TUBGCP6: variants seen among roughly 807,000 people sequenced by gnomAD.
The protein encoded by TUBGCP6 is tubulin gamma complex component 6.
A neutral mutation model predicts 175.8 loss-of-function variants in TUBGCP6; 161 were observed. That is an observed-to-expected ratio of 0.92 (90% confidence interval 0.81 to 1.04). The LOEUF (loss-of-function observed/expected upper bound fraction) is 1.04. Ranked by LOEUF, TUBGCP6 falls within the 50% of genes least tolerant of loss-of-function variation. The pLI, the probability that TUBGCP6 is intolerant of heterozygous loss-of-function variation, is 0.00. For missense variants in TUBGCP6, 2,572 were observed against 2,433.0 expected, an observed-to-expected ratio of 1.06 and a Z score of -1.20; for synonymous variants, 1,173 against 1,030.5, an observed-to-expected ratio of 1.14 and a Z score of -2.65.
Position 50,227,945 on chromosome 22 carries a change from G to A in TUBGCP6, c.1374C>T (p.Thr458=), listed in dbSNP as rs1394093391. The stretch of plus-strand genomic sequence containing the variant: ...CAAGTTTCTTGAAGAGAAAACCAAT[G>A]GTGAGGAGGCTCAGGGTGGGCGGAG... ...LSTPPTLSLL[T]IGFLFKKLGR... is the part of the protein sequence containing the mutation. Residue 458 remains threonine (T), a synonymous_variant, in exon 5 of 25, where the codon ACC becomes ACT. Coordinates refer to ENST00000248846, the MANE Select transcript of TUBGCP6 (RefSeq NM_020461.4). The A allele has an allele frequency of 4.4e-6, 7 of 1,574,114 alleles. No individual in the cohort carries two copies. Among genetic ancestry groups the A allele is most frequent in the African/African-American group, 2.7e-5 (2 of 74,356 alleles).
rs377564548 is a variant in TUBGCP6, at chr22:50,220,647, G to A, written c.3712C>T (p.Arg1238Trp). The A allele has an allele frequency of 6.8e-5, 109 of 1,610,268 alleles. No homozygotes were observed. Among genetic ancestry groups the A allele is most frequent in the Admixed American group, 1.2e-4 (7 of 57,862 alleles). The change falls in exon 16 of 25, where the codon CGG becomes TGG. Residue 1238 changes from arginine to tryptophan, a missense_variant. By Grantham distance (101) the Arg-to-Trp change is moderately radical. Coordinates refer to ENST00000248846, the MANE Select transcript of TUBGCP6 (RefSeq NM_020461.4). ...GACACGTGTCCATGGGTGTTGCACCGTGACCGGATGGGAGCCACGTCCGAT... is the reference window on the plus strand; with the variant it reads ...GACACGTGTCCATGGGTGTTGCACCATGACCGGATGGGAGCCACGTCCGAT... ...NVSDVAPIRS[R>W]CNTHGHVSDA... is the part of the protein sequence containing the mutation.
At chr22:50,222,157 C>A in intron 14 of TUBGCP6, 55 bp from the exon 15 acceptor site, 1 of 1,565,386 alleles carries the variant, frequency 6.4e-7, no homozygotes, top group South Asian at 1.1e-5. Context: ...CACAGCCCTA[C>A]CCCACACAAA....
intron 2 of TUBGCP6, among the ~76,000 whole-genome samples, chr22:50,238,290 A>G (rs1601605421): frequency 6.6e-6 from 1 of 151,052 alleles, no homozygotes; most frequent in Non-Finnish European, 1.5e-5. Flanking sequence ...CTGAGTTTTT[A>G]CAAAAATTAG....
Position 50,240,289 on chromosome 22 carries a change from G to A in TUBGCP6, c.820C>T (p.Pro274Ser). The A allele has an allele frequency of 6.2e-7, 1 of 1,614,028 alleles. No homozygotes were observed. ...AGGTCCACGTCTGGGGTCACGCTGG[G>A]CTCAGACTGGGAATCAGGAGTCAAG... ...SNLTPDSQSE[P>S]SVTPDVDLWE... Residue 274 changes from proline to serine, a missense_variant, in exon 2 of 25, where the codon CCC becomes TCC. Physicochemically the swap from Pro to Ser is moderately conservative, Grantham distance 74 (BLOSUM62 -1). Coordinates refer to ENST00000248846, the MANE Select transcript of TUBGCP6 (RefSeq NM_020461.4).
rs896132951 is a variant in TUBGCP6 at position 50,220,369 on chromosome 22, G to A, written c.3990C>T (p.Ser1330=). ...CCTCCCCGCAGCCCGAGCTGGGGGA[G>A]GACAGAGATGGCCCCACTTCTACAG... is the stretch of plus-strand genomic sequence containing the variant. ...RLPVEVGPSL[S]SPSSGCGEGS... Residue 1330 remains serine (S), a synonymous_variant, in exon 16 of 25, where the codon TCC becomes TCT. Coordinates refer to ENST00000248846, the MANE Select transcript of TUBGCP6 (RefSeq NM_020461.4). 6.4e-6 allele frequency: 10 copies of A among 1,559,622 alleles called. No individual in the cohort carries two copies. Among genetic ancestry groups the A allele is most frequent in the Non-Finnish European group, 8.7e-6 (10 of 1,148,900 alleles).
chr22:50,222,954 C>A, intron 13 of TUBGCP6: 1 of 212,310 alleles, frequency 4.7e-6, no homozygotes, highest in East Asian at 1.0e-4. Context: ...AGGTACAAAC[C>A]TGAGAACTGA....
chr22:50,226,570 T>G (rs1302675184), intron 7 of TUBGCP6, among the ~76,000 whole-genome samples, 163 bp downstream of exon 7: 4 of 4,376 alleles, frequency 9.1e-4, no homozygotes, highest in South Asian at 4.7e-3. Flanking sequence ...GGGTGTGGAG[T>G]GGGGGCAGGG....
At chr22:50,242,808 T>C (rs1205867962) in intron 1 of TUBGCP6, among the ~76,000 whole-genome samples, 1 of 150,888 alleles carries the variant, frequency 6.6e-6, no homozygotes, top group East Asian at 1.9e-4. Context: ...TATTTTGTTT[T>C]AATTAACTTC....
chr22:50,231,839 C>G (rs1257072345), intron 3 of TUBGCP6, among the ~76,000 whole-genome samples: 4 of 130,618 alleles, frequency 3.1e-5, no homozygotes, highest in South Asian at 5.1e-4. Context: ...CAGCCTGGGC[C>G]ACAGAGCGAG....
chr22:50,224,511 C>T lies in TUBGCP6; in HGVS notation c.2065G>A (p.Asp689Asn), dbSNP rs2064576564. Residue 689 changes from aspartate to asparagine, a missense_variant and splice_region_variant, in exon 11 of 25, where the codon GAC (aspartate) becomes AAC (asparagine). Asp to Asn is a conservative substitution (Grantham distance 23). Transcript: ENST00000248846. ...AASRVLSALS[D>N]RQMSERMALD... ...GAAGGGAGGACTTGGGGCCACTCAC[C>T]ACTCAGTGCACTCAGGACCCTGGAT... is the stretch of plus-strand genomic sequence containing the variant. 1 of 1,614,034 alleles carries T rather than the reference C, an allele frequency of 6.2e-7. No individual in the cohort carries two copies. The highest frequency in any genetic ancestry group is 1.1e-5 in the South Asian group (1 of 91,086).
chr22:50,222,170 C>T, intron 14 of TUBGCP6, 68 bp from the exon 15 acceptor site: 1 of 1,520,412 alleles, frequency 6.6e-7, no homozygotes, highest in Non-Finnish European at 9.0e-7. Flanking sequence ...CACACAAAGC[C>T]ACAGCCCCTA....
At position 50,244,233 on chromosome 22, in the gene TUBGCP6, T is replaced by G. The variant is rs1260270661; in HGVS notation, c.227A>C (p.Asp76Ala). Residue 76 changes from aspartate to alanine, a missense_variant, in exon 1 of 25, where the codon GAC becomes GCC. Transcript: ENST00000248846. Reference protein sequence around the residue: ...ARNKILMLSFDLRVGGLGPKA... With the variant: ...ARNKILMLSFALRVGGLGPKA... ...GGGGCCCAGGCCACCCACTCTCAAG[T>G]CAAAGGACAACATGAGGATCTTGTT... 2 of 1,613,390 alleles carry G rather than the reference T, an allele frequency of 1.2e-6. No individual in the cohort carries two copies. The highest frequency in any genetic ancestry group is 2.2e-5 in the South Asian group (2 of 91,086).
Position 50,226,734 on chromosome 22 carries a change from G to T in TUBGCP6, c.1600C>A (p.Arg534=). The change falls in exon 7 of 25, where the codon CGG becomes AGG. Residue 534 remains arginine, a splice_region_variant and synonymous_variant. Coordinates refer to ENST00000248846, the MANE Select transcript of TUBGCP6 (RefSeq NM_020461.4). The stretch of plus-strand genomic sequence containing the variant: ...GCGCCTGCCCAGCCCACTGCCCACC[G>T]GGTGTAGGGCTCGCAGCTGGTCTTC... The part of the protein sequence containing the change: ...LLKTSCEPYT[R]FIHDWVYSGV... 6.3e-7 allele frequency: 1 copy of T among 1,579,468 alleles called. No homozygotes were observed.
At chr22:50,235,118 TCATCCACACCCGTGTCCATGGCAG>T (rs1173142626) in intron 2 of TUBGCP6, among the ~76,000 whole-genome samples, 26 of 147,062 alleles carry the variant, frequency 1.8e-4, no homozygotes, top group African/African-American at 2.6e-4. Context: ...CACTGCAGCA[TCATCCACACCCGTGTCCATGGCAG>T]CATCCACACC....
chr22:50,228,281 C>CATGGCAAAGGGGCTGGG (rs1196309189), intron 4 of TUBGCP6, among the ~76,000 whole-genome samples: 1 of 46,076 alleles, frequency 2.2e-5, no homozygotes, highest in Non-Finnish European at 4.6e-5. Context: ...GCCCCAGGGG[C>CATGGCAAAGGGGCTGGG]GCCCACCACC....
Position 50,221,762 on chromosome 22 carries a change from G to A in TUBGCP6, c.2597C>T (p.Pro866Leu). ...CACTGCTAGAGGCTTAAGGGGCTGT[G>A]GGGTCAGCAGGCCTGGCCTGTTCCA... is the stretch of plus-strand genomic sequence containing the variant. ...DGWNRPGLLT[P>L]QPLKPLAVGA... is the part of the protein sequence containing the mutation. The change falls in exon 16 of 25, where the codon CCA (proline) becomes CTA (leucine). Residue 866 changes from proline to leucine, a missense_variant. Transcript: ENST00000248846. 3 of 1,515,078 alleles carry A rather than the reference G, an allele frequency of 2.0e-6. No homozygotes were observed. The highest frequency in any genetic ancestry group is 1.8e-4 in the Middle Eastern group (1 of 5,584). The allele number at this position is 1,515,078 out of a possible 1,614,324, so 93.9% of individuals were successfully genotyped here. A position where few individuals can be genotyped will look rare whatever the true frequency, so the allele number is the denominator to read the frequency against.
Position 50,219,112 on chromosome 22 carries a change from C to T in TUBGCP6, c.4582G>A (p.Asp1528Asn), listed in dbSNP as rs543860732. The change falls in exon 20 of 25, where the codon GAC (aspartate) becomes AAC (asparagine). Residue 1528 changes from aspartate (D) to asparagine (N), a missense_variant. Asp to Asn is a conservative substitution (Grantham distance 23). Transcript: ENST00000248846. ...EALRHFLLME[D>N]GEFAQSLSDL... ...CTGAGGGACTGGGCGAACTCGCCGTCCTCCATCAGCAGGAAGTGCCGCAGT... is the reference window on the plus strand; with the variant it reads ...CTGAGGGACTGGGCGAACTCGCCGTTCTCCATCAGCAGGAAGTGCCGCAGT... 2.5e-6 allele frequency: 4 copies of T among 1,613,014 alleles called. No homozygotes were observed. The highest frequency in any genetic ancestry group is 3.4e-6 in the Non-Finnish European group (4 of 1,179,990).
At position 50,220,472 on chromosome 22, in the gene TUBGCP6, C is replaced by T; in HGVS notation, c.3887G>A (p.Ser1296Asn). 6.2e-7 allele frequency: 1 copy of T among 1,613,154 alleles called. No individual in the cohort carries two copies. Among genetic ancestry groups the T allele is most frequent in the Non-Finnish European group, 8.5e-7 (1 of 1,179,960 alleles). The change falls in exon 16 of 25, where the codon AGC becomes AAC. Residue 1296 changes from serine to asparagine, a missense_variant. Coordinates refer to ENST00000248846, the MANE Select transcript of TUBGCP6 (RefSeq NM_020461.4). ...AEPNTPRPQQ[S>N]PPGHTSQSAL... The stretch of plus-strand genomic sequence containing the variant: ...TGACTGGGACGTGTGGCCAGGGGGG[C>T]TCTGTTGGGGCCTGGGTGTGTTGGG...
In TUBGCP6 at chr22:50,244,657, TC is replaced by T; in HGVS notation, c.-199del. 2 of 877,690 alleles carry T rather than the reference TC, an allele frequency of 2.3e-6. No homozygotes were observed. The highest frequency in any genetic ancestry group is 3.3e-6 in the Non-Finnish European group (2 of 604,750). The allele number at this position is 877,690 out of a possible 1,614,324, so 54.4% of individuals were successfully genotyped here. ...TACTCAGAGTAAACACGCCCTGCCCTCCCCAGTCCAAGCACGCTGCCCGGCG... is the reference window on the plus strand; with the variant it reads ...TACTCAGAGTAAACACGCCCTGCCCTCCCAGTCCAAGCACGCTGCCCGGCG... On this transcript the variant is annotated 5_prime_UTR_variant, in exon 1 of 25. Transcript: ENST00000248846.
Sources: allele counts gnomAD v4.1 joint callset (sites outside exome capture counted in the v4.1 genomes callset), GRCh38; gene constraint gnomAD v4.1.1; transcripts MANE v1.5; gene names NCBI Gene and HGNC (gene_info 2026-07-23, HGNC 2026-07-21).